Variants in CDK14 observed in about 807,000 individuals in gnomAD.
CDK14 encodes cyclin-dependent kinase 14.
In CDK14, 34 loss-of-function variants were observed where a neutral mutation model predicts 60.7. The observed-to-expected ratio is 0.56, with a 90% confidence interval of 0.43 to 0.75. CDK14 has a LOEUF of 0.75. Among genes scored for constraint, CDK14 ranks in the 30% least tolerant of loss-of-function variants. CDK14 has a pLI of 0.00. For missense variants in CDK14, 482 were observed against 564.1 expected (o/e 0.85, Z 1.47); for synonymous variants, 197 against 203.7 (o/e 0.97, Z 0.28).
intron 4 of CDK14, among the ~76,000 whole-genome samples, chr7:90,784,081 G>T (rs1417374372): frequency 1.3e-5 from 2 of 152,150 alleles, no homozygotes; most frequent in Non-Finnish European, 2.9e-5. Flanking sequence ...GTACACAATA[G>T]AATATTATTC....
intron 2 of CDK14, among the ~76,000 whole-genome samples, chr7:90,642,031 T>G (rs1280015800): frequency 6.6e-6 from 1 of 152,156 alleles, no homozygotes; most frequent in Non-Finnish European, 1.5e-5. Context: ...CCTCCCTGAT[T>G]CAGTTATCTC....
rs530790773 is a variant in CDK14, at chr7:91,060,458, G to T, written c.1105+14498G>T. On this transcript the variant is annotated intron_variant, in intron 11 of 14. Transcript: ENST00000380050. ...TCCTGTCATTATGATGTTAGCTGGT[G>T]ATTTTGCGCGTTAGTTGATGCAGTT... Among the ~76,000 whole-genome samples, 115 of 152,198 alleles carry T rather than the reference G, an allele frequency of 7.6e-4. No homozygotes were observed. The East Asian group carries it at 0.021, about 28-fold the overall frequency.
In CDK14 at chr7:91,165,958, C is replaced by A. The variant is rs553988985; in HGVS notation, c.*29-41207C>A. ...GATTTGTAGGCTTGGTTAGCACATG[C>A]ATACTTTTTAAGCAAACTAATGTAA... On this transcript the variant is annotated intron_variant, in intron 14 of 14. Coordinates refer to ENST00000380050, the MANE Select transcript of CDK14 (RefSeq NM_001287135.2). Among the ~76,000 whole-genome samples, 5 of 152,286 alleles carry A rather than the reference C, an allele frequency of 3.3e-5. No homozygotes were observed. In the South Asian group the frequency reaches 8.3e-4, roughly 25 times the overall value.
chr7:91,171,681 C>G (rs111648946), intron 14 of CDK14, among the ~76,000 whole-genome samples: 5,207 of 152,184 alleles, frequency 0.034, 286 homozygotes, highest in African/African-American at 0.12. Flanking sequence ...GAGTCTCACT[C>G]TGTCGCCGAG....
chr7:90,945,941 G>A (rs1378025094), intron 8 of CDK14, among the ~76,000 whole-genome samples: 2 of 152,154 alleles, frequency 1.3e-5, no homozygotes, highest in Non-Finnish European at 2.9e-5. Flanking sequence ...ATATGGAAGA[G>A]GAGTAGGAAG....
chr7:91,140,267 A>G (rs10230044), intron 14 of CDK14, among the ~76,000 whole-genome samples: 2 of 152,112 alleles, frequency 1.3e-5, no homozygotes, highest in South Asian at 2.1e-4. Context: ...CTAAAAGTGC[A>G]TTTTACATGA....
intron 14 of CDK14, among the ~76,000 whole-genome samples, chr7:91,123,644 C>T (rs1360614970): frequency 6.6e-6 from 1 of 152,100 alleles, no homozygotes; most frequent in Non-Finnish European, 1.5e-5. Flanking sequence ...TTCCTGTCTA[C>T]CCTGGGGAGT....
chr7:90,776,750 C>T (rs1182440814), intron 4 of CDK14, among the ~76,000 whole-genome samples: 1 of 152,168 alleles, frequency 6.6e-6, no homozygotes, highest in Non-Finnish European at 1.5e-5. Flanking sequence ...CTTGAGATGA[C>T]TGTTGCACAG....
chr7:91,154,840 C>G (rs950680646), intron 14 of CDK14, among the ~76,000 whole-genome samples: 5 of 152,120 alleles, frequency 3.3e-5, no homozygotes, highest in Non-Finnish European at 7.4e-5. Flanking sequence ...AGAGAGAAAT[C>G]TTTGACAAAT....
intron 14 of CDK14, among the ~76,000 whole-genome samples, chr7:91,120,536 CTT>C (rs5885756): frequency 1.7e-4 from 23 of 139,220 alleles, no homozygotes; most frequent in Admixed American, 1.4e-4. Context: ...ACTTGTAAAG[CTT>C]TTTTTTTTTT....
intron 10 of CDK14, among the ~76,000 whole-genome samples, chr7:90,984,916 G>A (rs539551593): frequency 9.9e-5 from 15 of 152,254 alleles, no homozygotes; most frequent in Middle Eastern, 3.4e-3. Context: ...AGGAAAGTTC[G>A]GGAAACTGGC....
At chr7:90,914,631 A>G (rs1793014360) in intron 7 of CDK14, among the ~76,000 whole-genome samples, 1 of 152,144 alleles carries the variant, frequency 6.6e-6, no homozygotes, top group Admixed American at 6.5e-5. Context: ...TTAGAATTTT[A>G]GTGTATAGTG....
chr7:90,631,576 A>G (rs965516084), intron 2 of CDK14, among the ~76,000 whole-genome samples: 3 of 152,186 alleles, frequency 2.0e-5, no homozygotes, highest in Admixed American at 6.5e-5. Context: ...GTGATTAACA[A>G]CCAAACCCAT....
chr7:90,682,854 A>G (rs989840463), intron 2 of CDK14, among the ~76,000 whole-genome samples: 7 of 152,224 alleles, frequency 4.6e-5, no homozygotes, highest in Admixed American at 4.6e-4. Flanking sequence ...ATGTTTATGT[A>G]ATGTTTCCTC....
rs528063572 is a variant in CDK14 at position 90,831,651 on chromosome 7, T to G, written c.545-31524T>G. Among the ~76,000 whole-genome samples the G allele has an allele frequency of 7.2e-5, 11 of 152,010 alleles. No homozygotes were observed. The South Asian group carries it at 2.3e-3, about 32-fold the overall frequency. On this transcript the variant is annotated intron_variant, in intron 5 of 14. Transcript: ENST00000380050. ...ATCACCACTTCCTTGGCTGCCATTC[T>G]CTCTTGCTTGGGCTCTATTGTTATA... is the stretch of plus-strand genomic sequence containing the variant.
At chr7:90,750,182 AC>A (rs762596038) in intron 4 of CDK14, among the ~76,000 whole-genome samples, 2 of 151,750 alleles carry the variant, frequency 1.3e-5, no homozygotes, top group Non-Finnish European at 2.9e-5. Flanking sequence ...ACACACACAC[AC>A]ACACACACAC....
intron 10 of CDK14, among the ~76,000 whole-genome samples, chr7:91,037,591 C>T (rs549528076): frequency 9.2e-5 from 14 of 152,272 alleles, no homozygotes; most frequent in African/African-American, 3.4e-4. Context: ...TATAGCTCTT[C>T]AAAGCATGGT....
chr7:90,951,349 A>AAC (rs1189755096), intron 8 of CDK14, among the ~76,000 whole-genome samples: 3 of 152,182 alleles, frequency 2.0e-5, no homozygotes, highest in Admixed American at 1.3e-4. Flanking sequence ...ACCACTGACC[A>AAC]ACACAAAGCT....
intron 12 of CDK14, among the ~76,000 whole-genome samples, chr7:91,091,514 T>TATATATATAA (rs1584044561): frequency 7.1e-6 from 1 of 140,428 alleles, no homozygotes; most frequent in Admixed American, 7.2e-5. Flanking sequence ...TATATATATA[T>TATATATATAA]ATAAATTAGC....
Sources: allele counts gnomAD v4.1 joint callset (sites outside exome capture counted in the v4.1 genomes callset), GRCh38; gene constraint gnomAD v4.1.1; transcripts MANE v1.5; gene names NCBI Gene and HGNC (gene_info 2026-07-23, HGNC 2026-07-21).